FGD3: variants seen among roughly 807,000 people sequenced by gnomAD.
FGD3 encodes the protein FYVE, RhoGEF and PH domain containing 3.
A neutral mutation model predicts 71.8 loss-of-function variants in FGD3; 45 were observed. That is an observed-to-expected ratio of 0.63 (90% CI 0.49 to 0.80). The LOEUF (loss-of-function observed/expected upper bound fraction) is 0.80. Ranked by LOEUF, FGD3 falls within the 30% of genes least tolerant of loss-of-function variation. The pLI is 0.00. For missense variants in FGD3, 844 were observed against 951.5 expected, an observed-to-expected ratio of 0.89 and a Z score of 1.49; for synonymous variants, 378 against 392.8, an observed-to-expected ratio of 0.96 and a Z score of 0.44.
chr9:92,999,335 G>A (rs1442812249), intron 3 of FGD3, among the ~76,000 whole-genome samples: 2 of 152,138 alleles, frequency 1.3e-5, no homozygotes, highest in East Asian at 3.9e-4. Flanking sequence ...CACAGTATTA[G>A]GGTGGGAGTG....
intron 3 of FGD3, among the ~76,000 whole-genome samples, chr9:92,996,917 T>G (rs531011044): frequency 3.3e-5 from 5 of 152,364 alleles, no homozygotes; most frequent in African/African-American, 1.2e-4. Context: ...CATTTTGGAA[T>G]AAGTGTGATG....
intron 7 of FGD3, among the ~76,000 whole-genome samples, chr9:93,010,793 G>A (rs1294524767): frequency 1.3e-5 from 2 of 152,094 alleles, no homozygotes; most frequent in Non-Finnish European, 2.9e-5. Context: ...GCATCTTTGA[G>A]GGCAGAGAAA....
intron 1 of FGD3, among the ~76,000 whole-genome samples, chr9:92,957,914 C>T (rs1425583065): frequency 6.6e-6 from 1 of 151,874 alleles, no homozygotes; most frequent in Admixed American, 6.6e-5. Flanking sequence ...CTCCCGACCT[C>T]AGGTGATCTG....
chr9:92,973,138 A>G (rs1231832885), intron 1 of FGD3, among the ~76,000 whole-genome samples: 3 of 101,896 alleles, frequency 2.9e-5, no homozygotes, highest in Non-Finnish European at 5.5e-5. Context: ...TTTTTGAGAC[A>G]GAGTTTTGCT....
intron 6 of FGD3, among the ~76,000 whole-genome samples, chr9:93,008,976 A>AG: frequency 6.6e-6 from 1 of 150,728 alleles, no homozygotes; most frequent in South Asian, 2.1e-4. Context: ...AAAAAAAAAA[A>AG]AGTTTTGGCC....
chr9:92,987,006 A>G (rs1317471552), intron 3 of FGD3, among the ~76,000 whole-genome samples: 1 of 152,250 alleles, frequency 6.6e-6, no homozygotes, highest in Non-Finnish European at 1.5e-5. Context: ...GTGACATACA[A>G]AGTGAAAACA....
At position 92,969,091 on chromosome 9, in the gene FGD3, A is replaced by C. The variant is rs1257064900; in HGVS notation, c.-217-6147A>C. ...TCACATGGTTTATTGTATCACCTAG[A>C]GGCACTTACAGTATTGCCTGGATTC... On this transcript the variant is annotated intron_variant, in intron 1 of 17. Coordinates refer to ENST00000375482, the MANE Select transcript of FGD3 (RefSeq NM_001083536.2). This position sits in a 1 kb window ranked among gnomAD's most constrained non-coding sequence, Gnocchi z 4.5. Among the ~76,000 whole-genome samples, 1 of 152,208 alleles carries C rather than the reference A, an allele frequency of 6.6e-6. No homozygotes were observed. The highest frequency in any genetic ancestry group is 1.5e-5 in the Non-Finnish European group (1 of 68,022).
At chr9:93,002,769 C>T (rs902402221) in intron 3 of FGD3, among the ~76,000 whole-genome samples, 156 bp from the exon 4 acceptor site, 10 of 152,218 alleles carry the variant, frequency 6.6e-5, no homozygotes, top group African/African-American at 1.9e-4. Flanking sequence ...AGCACCACAT[C>T]GCCATCACAG....
intron 10 of FGD3, 49 bp from the exon 11 acceptor site, chr9:93,018,087 T>A: frequency 6.4e-7 from 1 of 1,569,868 alleles, no homozygotes; most frequent in Middle Eastern, 1.7e-4. Flanking sequence ...AGGCTGGAGC[T>A]AAAATGACCA....
intron 3 of FGD3, among the ~76,000 whole-genome samples, chr9:92,977,965 G>A (rs1859830160): frequency 6.6e-6 from 1 of 152,200 alleles, no homozygotes; most frequent in Admixed American, 6.5e-5. Context: ...CCAGGCAAGT[G>A]TACACACCAT....
At chr9:93,026,111 G>A (rs1247218554) in intron 14 of FGD3, among the ~76,000 whole-genome samples, 2 of 152,350 alleles carry the variant, frequency 1.3e-5, no homozygotes, top group East Asian at 3.9e-4. Context: ...TGTGCCCCCC[G>A]TTCCTGGATG....
At chr9:92,964,796 G>A (rs1016143761) in intron 1 of FGD3, among the ~76,000 whole-genome samples, 2 of 152,152 alleles carry the variant, frequency 1.3e-5, no homozygotes, top group Non-Finnish European at 2.9e-5. Flanking sequence ...ACCACGGCCA[G>A]CCCCTCTCAT....
At chr9:93,022,885 C>A (rs536424945) in intron 14 of FGD3, among the ~76,000 whole-genome samples, 1 of 152,164 alleles carries the variant, frequency 6.6e-6, no homozygotes, top group African/African-American at 2.4e-5. Context: ...TCTGTGTTCT[C>A]GTGTGCCTTA....
At chr9:92,959,443 A>G (rs892202717) in intron 1 of FGD3, among the ~76,000 whole-genome samples, 3 of 152,068 alleles carry the variant, frequency 2.0e-5, no homozygotes, top group Non-Finnish European at 4.4e-5. Flanking sequence ...TGGGTGGCTC[A>G]TGCCTGTAAA....
chr9:92,949,647 C>T (rs747708263), intron 1 of FGD3, among the ~76,000 whole-genome samples: 4 of 152,190 alleles, frequency 2.6e-5, no homozygotes, highest in African/African-American at 7.2e-5. Context: ...GCTCCACAGT[C>T]TCAGGTTGCC....
intron 3 of FGD3, among the ~76,000 whole-genome samples, chr9:92,997,375 G>A (rs945918460): frequency 3.7e-4 from 56 of 152,076 alleles, no homozygotes; most frequent in African/African-American, 1.2e-3. Flanking sequence ...GTCTCTGCAC[G>A]TGAGACGGGT....
In FGD3 at chr9:92,971,541, TTTTTCTTTTC is replaced by T. The variant is rs201916658; in HGVS notation, c.-217-3677_-217-3668del. ...CAGTTCAAAGGCGATAAGGGTGGGA[TTTTTCTTTTC>T]TTTTCTTTTCTTTTCTTTTTTTTTT... On this transcript the variant is annotated intron_variant, in intron 1 of 17. Transcript: ENST00000375482. Among the ~76,000 whole-genome samples, 92 of 87,726 alleles carry T rather than the reference TTTTTCTTTTC, an allele frequency of 1.0e-3. 1 individual carries two copies. The highest frequency in any genetic ancestry group is 1.7e-3 in the Admixed American group (13 of 7,592). 57.6% of individuals were successfully genotyped at this position (87,726 alleles called of 152,430 possible).
intron 3 of FGD3, among the ~76,000 whole-genome samples, chr9:92,982,007 T>C (rs543524331): frequency 1.2e-4 from 18 of 152,348 alleles, no homozygotes; most frequent in African/African-American, 4.3e-4. Context: ...ACCCTCCTTC[T>C]AGCTATTGAA....
At chr9:92,992,479 T>C (rs1478356967) in intron 3 of FGD3, among the ~76,000 whole-genome samples, 1 of 152,250 alleles carries the variant, frequency 6.6e-6, no homozygotes, top group East Asian at 1.9e-4. Flanking sequence ...CATTCCTTTC[T>C]GAAGAATAGC....
Sources: gnomAD v4.1 joint callset for allele counts (sites outside exome capture counted in the v4.1 genomes callset) on GRCh38, gnomAD v4.1.1 for gene constraint, Gnocchi (gnomAD v3.1) non-coding constraint, MANE v1.5 for transcripts, NCBI Gene and HGNC (gene_info 2026-07-23, HGNC 2026-07-21) for gene names.